Variants in EAPP observed in about 807,000 individuals in gnomAD.
The protein encoded by EAPP is E2F-associated phosphoprotein.
In EAPP, 38 loss-of-function variants were observed where a neutral mutation model predicts 34.3. The ratio of observed to expected loss-of-function variants is 1.11; its 90% CI spans 0.85 to 1.45. The LOEUF is 1.45. EAPP is among the 40% of genes most tolerant of loss of function. EAPP has a pLI of 0.00. For missense variants in EAPP, 338 were observed against 343.7 expected (o/e 0.98, Z 0.13); for synonymous variants, 113 against 117.6 (o/e 0.96, Z 0.25).
intron 4 of EAPP, 134 bp from the exon 5 acceptor site, chr14:34,524,941 A>T: frequency 3.1e-6 from 2 of 646,614 alleles, no homozygotes; most frequent in Non-Finnish European, 5.3e-6. Flanking sequence ...CACAAGATGA[A>T]CCTGGAGCAT....
chr14:34,517,576 T>C (rs1165901298), intron 5 of EAPP, among the ~76,000 whole-genome samples: 1 of 151,850 alleles, frequency 6.6e-6, no homozygotes, highest in Non-Finnish European at 1.5e-5. Context: ...GTGGTCTCAG[T>C]TGTTATGCCT....
Position 34,516,362 on chromosome 14 carries a change from T to C in EAPP, c.806A>G (p.Tyr269Cys), listed in dbSNP as rs952152021. 1.2e-6 allele frequency: 2 copies of C among 1,613,912 alleles called. No homozygotes were observed. Among genetic ancestry groups the C allele is most frequent in the African/African-American group, 2.7e-5 (2 of 74,948 alleles). ...CTECSTEVAV[Y>C]DKDEVFHFFN... is the part of the protein sequence containing the mutation. ...AAAATGAAAGACTTCATCCTTGTCG[T>C]AGACTGCCACTTCAGTGGAACATTC... The change falls in exon 6 of 6, where the codon TAC becomes TGC. Residue 269 changes from tyrosine to cysteine, a missense_variant. Tyr to Cys is a radical substitution (Grantham distance 194). Coordinates refer to ENST00000250454, the MANE Select transcript of EAPP (RefSeq NM_018453.4).
At chr14:34,529,307 T>C (rs1880199799) in intron 4 of EAPP, 51 bp downstream of exon 4, 1 of 1,320,872 alleles carries the variant, frequency 7.6e-7, no homozygotes. Context: ...GTAAAAATCA[T>C]CTTTCAATCT....
chr14:34,537,739 AAT>A (rs1880522927), intron 1 of EAPP, among the ~76,000 whole-genome samples: 1 of 152,236 alleles, frequency 6.6e-6, no homozygotes. Flanking sequence ...CCCTCAGCGT[AAT>A]ACCTGTAGGG....
At chr14:34,531,008 G>A (rs72673453) in intron 3 of EAPP, among the ~76,000 whole-genome samples, 1 of 149,290 alleles carries the variant, frequency 6.7e-6, no homozygotes, top group Admixed American at 6.7e-5. Flanking sequence ...TAGACTTTTT[G>A]AATGTATTCT....
chr14:34,535,069 C>A lies in EAPP; in HGVS notation c.256+1025G>T, dbSNP rs184851972. On this transcript the variant is annotated intron_variant, in intron 2 of 5. Transcript: ENST00000250454. The stretch of plus-strand genomic sequence containing the variant: ...GGCCAGGCTGGTCTCAAACTCCTGA[C>A]CTCGTGATCCACTGCCTCGGCCTCC... 3.6e-3 allele frequency among the ~76,000 whole-genome samples: 550 copies of A among 151,258 alleles called. 4 individuals carry two copies. The highest frequency in any genetic ancestry group is 0.013 in the African/African-American group (530 of 41,182).
At position 34,519,065 on chromosome 14, in the gene EAPP, G is replaced by A. The variant is rs765873723; in HGVS notation, c.582-2479C>T. ...TTGTAATCTCCAATGTTGGAGGTGGGACCTGGTGGGAGGTGACTAGATCTT... is the reference window on the plus strand; with the variant it reads ...TTGTAATCTCCAATGTTGGAGGTGGAACCTGGTGGGAGGTGACTAGATCTT... On this transcript the variant is annotated intron_variant, in intron 5 of 5. Coordinates refer to ENST00000250454, the MANE Select transcript of EAPP (RefSeq NM_018453.4). Among the ~76,000 whole-genome samples, 52 of 152,220 alleles carry A rather than the reference G, an allele frequency of 3.4e-4. 1 individual carries two copies. The Middle Eastern group carries it at 0.024, about 70-fold the overall frequency.
At chr14:34,527,278 G>A (rs751969539) in intron 4 of EAPP, among the ~76,000 whole-genome samples, 4 of 151,810 alleles carry the variant, frequency 2.6e-5, no homozygotes, top group Non-Finnish European at 4.4e-5. Context: ...GATCACCTTG[G>A]GCAACACAGC....
At position 34,516,300 on chromosome 14, in the gene EAPP, G is replaced by C. The variant is rs7766; in HGVS notation, c.*10C>G. ...TACAGTATTGGGTAATTAAATGCCAGTTGGGCTGTTTAGGAATGGCTTGCT... is the reference window on the plus strand; with the variant it reads ...TACAGTATTGGGTAATTAAATGCCACTTGGGCTGTTTAGGAATGGCTTGCT... On this transcript the variant is annotated 3_prime_UTR_variant, in exon 6 of 6. Transcript: ENST00000250454. 0.034 allele frequency: 54,160 copies of C among 1,602,872 alleles called. 1,148 individuals are homozygous for C. Among genetic ancestry groups the C allele is most frequent in the Middle Eastern group, 0.076 (455 of 5,986 alleles).
intron 3 of EAPP, among the ~76,000 whole-genome samples, chr14:34,532,044 C>G (rs539188109): frequency 2.7e-5 from 4 of 150,608 alleles, no homozygotes; most frequent in Non-Finnish European, 3.0e-5. Context: ...CCACTGCACT[C>G]CAGCCTGGGT....
intron 3 of EAPP, among the ~76,000 whole-genome samples, chr14:34,531,993 G>A (rs1274618626): frequency 3.3e-5 from 5 of 150,108 alleles, no homozygotes; most frequent in South Asian, 2.1e-4. Context: ...GGAGGATGGC[G>A]TGAACCCAGG....
chr14:34,532,780 C>T (rs1880340102), intron 3 of EAPP, among the ~76,000 whole-genome samples: 1 of 149,204 alleles, frequency 6.7e-6, no homozygotes, highest in Non-Finnish European at 1.5e-5. Context: ...GTTCAAGCAA[C>T]TTCCCTGTCT....
In EAPP at chr14:34,524,681, G is replaced by GTGTGTGTGTC. The variant is rs1555319973; in HGVS notation, c.581+15_581+16insGACACACACA. 6.9e-7 allele frequency: 1 copy of GTGTGTGTGTC among 1,451,268 alleles called. No individual in the cohort carries two copies. 89.9% of individuals were successfully genotyped at this position (1,451,268 alleles called of 1,614,324 possible). ...TATGTGTGTGTGTGTGTGTGTGTGT[G>GTGTGTGTGTC]TCCTTCATCCATTACCTTTGGCAAT... On this transcript the variant is annotated intron_variant, in intron 5 of 5. Coordinates refer to ENST00000250454, the MANE Select transcript of EAPP (RefSeq NM_018453.4).
At chr14:34,519,929 G>T (rs1879861849) in intron 5 of EAPP, among the ~76,000 whole-genome samples, 1 of 147,646 alleles carries the variant, frequency 6.8e-6, no homozygotes. Flanking sequence ...TTGTTGCCCA[G>T]GCTGAAGTGC....
chr14:34,516,565 T>G lies in EAPP; in HGVS notation c.603A>C (p.Gln201His), dbSNP rs765907848. ...AATTCATTACAAACATTGCTCTATATTGAGTTTTGTATGATTCATGCCTAA... is the reference window on the plus strand; with the variant it reads ...AATTCATTACAAACATTGCTCTATAGTGAGTTTTGTATGATTCATGCCTAA... ...DCQRHESYKT[Q>H]YRAMFVMNCS... Residue 201 changes from glutamine to histidine, a missense_variant, in exon 6 of 6, where the codon CAA becomes CAC. Coordinates refer to ENST00000250454, the MANE Select transcript of EAPP (RefSeq NM_018453.4). The G allele has an allele frequency of 6.8e-6, 11 of 1,613,160 alleles. No individual in the cohort carries two copies. The South Asian group carries it at 9.9e-5, about 15-fold the overall frequency.
chr14:34,526,342 T>G (rs1363347350), intron 4 of EAPP, among the ~76,000 whole-genome samples: 1 of 151,218 alleles, frequency 6.6e-6, no homozygotes, highest in African/African-American at 2.4e-5. Context: ...GGCAGAGAAC[T>G]GCTTGAACCC....
chr14:34,539,152 A>G, intron 1 of EAPP: 1 of 327,844 alleles, frequency 3.1e-6, no homozygotes, highest in African/African-American at 2.1e-5. Flanking sequence ...AAGTCCTGTG[A>G]GCCTCACAAC....
chr14:34,538,025 A>T (rs1218501712), intron 1 of EAPP, among the ~76,000 whole-genome samples: 1 of 152,134 alleles, frequency 6.6e-6, no homozygotes, highest in Non-Finnish European at 1.5e-5. Context: ...TATAATATTT[A>T]TCTTTACAGT....
At chr14:34,519,451 C>T (rs555077944) in intron 5 of EAPP, among the ~76,000 whole-genome samples, 48 of 151,686 alleles carry the variant, frequency 3.2e-4, no homozygotes, top group Non-Finnish European at 2.6e-4. Context: ...AGGAGAATTG[C>T]GTGAACCTGG....
Sources: allele counts gnomAD v4.1 joint callset (sites outside exome capture counted in the v4.1 genomes callset), GRCh38; gene constraint gnomAD v4.1.1; transcripts MANE v1.5; gene names NCBI Gene and HGNC (gene_info 2026-07-23, HGNC 2026-07-21).